The following ARL3 variants were observed in gnomAD, a reference collection of about 807,000 sequenced individuals.
ARL3 encodes the protein ADP-ribosylation factor-like protein 3.
A neutral mutation model predicts 26.0 loss-of-function variants in ARL3; 9 were observed. The observed-to-expected ratio is 0.35, with a 90% CI of 0.21 to 0.60. The LOEUF (loss-of-function observed/expected upper bound fraction) is 0.60. Among genes scored for constraint, ARL3 ranks in the 20% least tolerant of loss-of-function variants. The probability of loss-of-function intolerance (pLI) is 0.78; values close to 1 mark genes in which losing one functional copy is unlikely to be tolerated. For missense variants in ARL3, 158 were observed against 215.7 expected (o/e 0.73, Z 1.67); for synonymous variants, 71 against 78.4 (o/e 0.91, Z 0.50).
intron 5 of ARL3, among the ~76,000 whole-genome samples, chr10:102,680,755 T>C (rs2064152760): frequency 6.6e-6 from 1 of 152,184 alleles, no homozygotes; most frequent in South Asian, 2.1e-4. Context: ...GGTTACGTGG[T>C]CACAGCAGTA....
chr10:102,707,689 T>C (rs1487177262), intron 1 of ARL3, among the ~76,000 whole-genome samples: 1 of 152,224 alleles, frequency 6.6e-6, no homozygotes, highest in Non-Finnish European at 1.5e-5. Context: ...TATTAAGAAT[T>C]CCTTTCTGCC....
At chr10:102,709,646 CAAAAA>C (rs10555496) in intron 1 of ARL3, among the ~76,000 whole-genome samples, 2 of 85,214 alleles carry the variant, frequency 2.3e-5, no homozygotes. Context: ...GACTCTGTCT[CAAAAA>C]AAAAAAAAAA....
Position 102,699,431 on chromosome 10 carries a change from C to T in ARL3, c.206G>A (p.Gly69Asp). The T allele has an allele frequency of 6.2e-7, 1 of 1,613,250 alleles. No homozygotes were observed. The highest frequency in any genetic ancestry group is 8.5e-7 in the Non-Finnish European group (1 of 1,179,520). ...GTATGGTCTGATTTTCCTCTGTCCA[C>T]CAATGTCCCATACATTCAGTTTAAA... is the stretch of plus-strand genomic sequence containing the variant. ...QGFKLNVWDI[G>D]GQRKIRPYWK... is the part of the protein sequence containing the mutation. Residue 69 changes from glycine (G) to aspartate (D), a missense_variant, in exon 3 of 6, where the codon GGT becomes GAT. Gly to Asp is a moderately conservative substitution (Grantham distance 94). Transcript: ENST00000260746.
chr10:102,704,244 TA>T (rs1321579603), intron 2 of ARL3, among the ~76,000 whole-genome samples: 1 of 150,998 alleles, frequency 6.6e-6, no homozygotes, highest in Non-Finnish European at 1.5e-5. Flanking sequence ...AAGTACACGG[TA>T]AAATATTAAC....
intron 2 of ARL3, among the ~76,000 whole-genome samples, chr10:102,704,147 T>C (rs1337912645): frequency 1.2e-5 from 1 of 84,126 alleles, no homozygotes; most frequent in African/African-American, 4.4e-5. Context: ...CGAGACTCTG[T>C]CTCCAAAAAA....
Position 102,708,025 on chromosome 10 carries a change from C to T in ARL3, c.4-2536G>A, listed in dbSNP as rs372297164. Among the ~76,000 whole-genome samples, 11 of 152,172 alleles carry T rather than the reference C, an allele frequency of 7.2e-5. No homozygotes were observed. In the East Asian group the frequency reaches 1.5e-3, roughly 21 times the overall value. On this transcript the variant is annotated intron_variant, in intron 1 of 5. Transcript: ENST00000260746. ...ACTCCCTGGGCTCAAGCGATCCTCC[C>T]ACCTCAGCCTCTCCAGTAGCTGGGA...
chr10:102,710,796 A>C (rs1014912696), intron 1 of ARL3, among the ~76,000 whole-genome samples: 1 of 152,244 alleles, frequency 6.6e-6, no homozygotes, highest in Non-Finnish European at 1.5e-5. Flanking sequence ...AAAACATTTA[A>C]ACAAACTTTT....
rs2064129753 is a variant in ARL3, at chr10:102,676,195, G to C, written c.*699C>G. The C allele has an allele frequency of 6.6e-6, 1 of 151,874 alleles. No individual in the cohort carries two copies. The highest frequency in any genetic ancestry group is 1.5e-5 in the Non-Finnish European group (1 of 67,806). 9.4% of individuals were successfully genotyped at this position (151,874 alleles called of 1,614,324 possible). On this transcript the variant is annotated 3_prime_UTR_variant, in exon 6 of 6. Transcript: ENST00000260746. ...TAAGAATTTGCTTCTCTGTGTGGCTGGCTGGGGCAGAGGCAGGGGTGGGTG... is the reference window on the plus strand; with the variant it reads ...TAAGAATTTGCTTCTCTGTGTGGCTCGCTGGGGCAGAGGCAGGGGTGGGTG...
intron 4 of ARL3, among the ~76,000 whole-genome samples, chr10:102,689,405 ACT>A (rs1276538777): frequency 6.6e-6 from 1 of 152,224 alleles, no homozygotes; most frequent in Non-Finnish European, 1.5e-5. Context: ...TGCTAGAATA[ACT>A]GTCTTGTTTG....
chr10:102,705,466 C>T lies in ARL3; in HGVS notation c.27G>A (p.Lys9=), dbSNP rs780691084. The change falls in exon 2 of 6, where the codon AAG becomes AAA. Residue 9 remains lysine (K), a synonymous_variant. Coordinates refer to ENST00000260746, the MANE Select transcript of ARL3 (RefSeq NM_004311.4). MGLLSILR[K]LKSAPDQEVR... The stretch of plus-strand genomic sequence containing the variant: ...CCTCCTGGTCTGGTGCACTTTTCAA[C>T]TTGCGCAAAATTGAGAGCAAGCCCT... 4 of 1,601,162 alleles carry T rather than the reference C, an allele frequency of 2.5e-6. No homozygotes were observed. The highest frequency in any genetic ancestry group is 3.4e-6 in the Non-Finnish European group (4 of 1,169,524).
At position 102,676,748 on chromosome 10, in the gene ARL3, A is replaced by AT. The variant is rs1426846610; in HGVS notation, c.*145dup. 74 of 746,162 alleles carry AT rather than the reference A, an allele frequency of 9.9e-5. No individual in the cohort carries two copies. The Middle Eastern group carries it at 2.9e-3, about 29-fold the overall frequency. The allele number at this position is 746,162 out of a possible 1,614,324, so 46.2% of individuals were successfully genotyped here. A position where few individuals can be genotyped will look rare whatever the true frequency, so the allele number is the denominator to read the frequency against. On this transcript the variant is annotated 3_prime_UTR_variant, in exon 6 of 6. Transcript: ENST00000260746. ...AGTTAAATCTACTGCTGGAATGGGG[A>AT]TTCTTTCTAAACCGTGTTGTTCCCT...
chr10:102,710,970 T>C (rs951823285), intron 1 of ARL3, among the ~76,000 whole-genome samples: 2 of 152,194 alleles, frequency 1.3e-5, no homozygotes, highest in African/African-American at 2.4e-5. Context: ...TGCGTTGGTA[T>C]ATGGAAAATA....
chr10:102,700,814 C>G (rs565710951), intron 2 of ARL3, among the ~76,000 whole-genome samples: 1 of 143,648 alleles, frequency 7.0e-6, no homozygotes, highest in East Asian at 2.1e-4. Context: ...CTCGGCTCAC[C>G]GCAACCTCCA....
intron 3 of ARL3, among the ~76,000 whole-genome samples, chr10:102,692,731 CAG>C (rs2064225629): frequency 6.6e-6 from 1 of 151,592 alleles, no homozygotes; most frequent in East Asian, 1.9e-4. Flanking sequence ...TTTTTTGAGA[CAG>C]AGTCTCGCTC....
chr10:102,685,831 T>C lies in ARL3; in HGVS notation c.486A>G (p.Thr162=), dbSNP rs1279275953. 1.9e-6 allele frequency: 3 copies of C among 1,611,518 alleles called. No individual in the cohort carries two copies. The highest frequency in any genetic ancestry group is 1.1e-5 in the South Asian group (1 of 90,656). The stretch of plus-strand genomic sequence containing the variant: ...GTAATCTCACCTGAACGCCCTCTCC[T>C]GTGAGAGCTGAGCAAGACTGGATCT... ...VWQIQSCSAL[T]GEGVQDGMNW... Residue 162 remains threonine (T), a synonymous_variant, in exon 5 of 6, where the codon ACA becomes ACG. Coordinates refer to ENST00000260746, the MANE Select transcript of ARL3 (RefSeq NM_004311.4).
intron 5 of ARL3, among the ~76,000 whole-genome samples, chr10:102,678,808 C>T (rs7077678): frequency 0.41 from 62,363 of 152,084 alleles, 13,155 homozygotes; most frequent in South Asian, 0.58. Flanking sequence ...GGTTTTATGC[C>T]GGGTCTCTGT....
intron 5 of ARL3, among the ~76,000 whole-genome samples, chr10:102,682,518 C>G (rs1423941937): frequency 6.6e-6 from 1 of 152,202 alleles, no homozygotes; most frequent in Non-Finnish European, 1.5e-5. Context: ...GAACGGGACC[C>G]TGAAATCCAT....
intron 4 of ARL3, among the ~76,000 whole-genome samples, chr10:102,689,019 G>A (rs1033021640): frequency 2.0e-4 from 31 of 152,214 alleles, no homozygotes; most frequent in African/African-American, 7.0e-4. Flanking sequence ...AAGCTAAAAA[G>A]CTTTAATTAG....
intron 1 of ARL3, among the ~76,000 whole-genome samples, chr10:102,713,524 A>G (rs1031541731): frequency 3.9e-5 from 6 of 152,210 alleles, no homozygotes; most frequent in Non-Finnish European, 7.3e-5. Flanking sequence ...GTTTCGAAGG[A>G]AATTCTAGAG....
Sources: allele counts gnomAD v4.1 joint callset (sites outside exome capture counted in the v4.1 genomes callset), GRCh38; gene constraint gnomAD v4.1.1; transcripts MANE v1.5; gene names NCBI Gene and HGNC (gene_info 2026-07-23, HGNC 2026-07-21).